The following HEXB variants were observed in gnomAD, a reference collection of about 807,000 sequenced individuals.
The protein encoded by HEXB is hexosaminidase subunit beta, also known as beta-hexosaminidase subunit beta.
In HEXB, 51 loss-of-function variants were observed where a neutral mutation model predicts 71.2. That is an observed-to-expected ratio of 0.72 (90% CI 0.57 to 0.90). The LOEUF is 0.90. Among genes scored for constraint, HEXB ranks in the 40% least tolerant of loss-of-function variants. HEXB has a pLI of 0.00. For missense variants in HEXB, 617 were observed against 677.0 expected (o/e 0.91, Z 0.98); for synonymous variants, 266 against 249.3 (o/e 1.07, Z -0.63).
rs1300409015 is a variant in HEXB at position 74,721,251 on chromosome 5, T to TA, written c.*77dup. The TA allele has an allele frequency of 1.5e-5, 17 of 1,170,812 alleles. No individual in the cohort carries two copies. The highest frequency in any genetic ancestry group is 1.9e-5 in the Non-Finnish European group (15 of 781,460). 72.5% of individuals were successfully genotyped at this position (1,170,812 alleles called of 1,614,324 possible). A position where few individuals can be genotyped will look rare whatever the true frequency, so the allele number is the denominator to read the frequency against. On this transcript the variant is annotated 3_prime_UTR_variant, in exon 14 of 14. Coordinates refer to ENST00000261416, the MANE Select transcript of HEXB (RefSeq NM_000521.4). ...TTTGAAATCATGTAAAATAAGATAT[T>TA]AGACTGTTTTTTGAATAAAATATTT... is the stretch of plus-strand genomic sequence containing the variant.
chr5:74,691,509 G>C (rs1022895977), intron 2 of HEXB, among the ~76,000 whole-genome samples: 1 of 152,168 alleles, frequency 6.6e-6, no homozygotes, highest in Non-Finnish European at 1.5e-5. Context: ...CAGTATTACT[G>C]AGAACACACA....
intron 1 of HEXB, among the ~76,000 whole-genome samples, chr5:74,653,127 T>C (rs1165501376): frequency 1.3e-5 from 2 of 152,170 alleles, no homozygotes; most frequent in African/African-American, 4.8e-5. Context: ...AGTCAGGTGG[T>C]TACACACACA....
intron 1 of HEXB, among the ~76,000 whole-genome samples, chr5:74,676,016 T>G (rs1748624678): frequency 6.6e-6 from 1 of 152,230 alleles, no homozygotes; most frequent in African/African-American, 2.4e-5. Flanking sequence ...AATAACTTTA[T>G]AAATTAACAG....
chr5:74,684,985 G>C (rs1436104641), upstream of HEXB, among the ~76,000 whole-genome samples: 1 of 152,108 alleles, frequency 6.6e-6, no homozygotes, highest in Non-Finnish European at 1.5e-5. Flanking sequence ...CCAGCACCGG[G>C]CATTTTTCTT....
intron 1 of HEXB, among the ~76,000 whole-genome samples, chr5:74,661,597 A>T (rs904321228): frequency 7.2e-6 from 1 of 139,466 alleles, no homozygotes; most frequent in African/African-American, 2.7e-5. Flanking sequence ...CATCTTGCCA[A>T]TGTTGCCTAG....
intron 1 of HEXB, among the ~76,000 whole-genome samples, chr5:74,656,668 G>C (rs1390885149): frequency 6.6e-6 from 1 of 152,186 alleles, no homozygotes; most frequent in Non-Finnish European, 1.5e-5. Flanking sequence ...GCAGTGGCAT[G>C]ATCTTGGCTC....
chr5:74,711,157 C>T (rs111924260), intron 6 of HEXB, among the ~76,000 whole-genome samples: 14 of 146,960 alleles, frequency 9.5e-5, no homozygotes, highest in African/African-American at 1.8e-4. Context: ...TGATGTTTGA[C>T]AAACCTGAGA....
At position 74,689,470 on chromosome 5, in the gene HEXB, T is replaced by G. The variant is rs1264174384; in HGVS notation, c.442T>G (p.Ser148Ala). The change falls in exon 2 of 14, where the codon TCT (serine) becomes GCT (alanine). Residue 148 changes from serine to alanine, a missense_variant. Transcript: ENST00000261416. ...TTTCCCCAACATATCTTCAGATGAG[T>G]CTTGTAAGTACCTATGCAATGTGAG... ...DAFPNISSDE[S>A]YTLLVKEPVA... is the part of the protein sequence containing the mutation. The G allele has an allele frequency of 1.2e-6, 2 of 1,613,154 alleles. No homozygotes were observed. The highest frequency in any genetic ancestry group is 1.7e-6 in the Non-Finnish European group (2 of 1,179,150).
At chr5:74,716,091 A>G (rs527818996) in intron 8 of HEXB, among the ~76,000 whole-genome samples, 21 of 152,050 alleles carry the variant, frequency 1.4e-4, no homozygotes, top group African/African-American at 5.1e-4. Flanking sequence ...GCTCCACACC[A>G]TAAGGAAGAC....
At chr5:74,708,411 T>G (rs1340529236) in intron 6 of HEXB, among the ~76,000 whole-genome samples, 2 of 147,334 alleles carry the variant, frequency 1.4e-5, no homozygotes, top group African/African-American at 5.0e-5. Context: ...GCTAACATCA[T>G]AATGACAGGA....
intron 5 of HEXB, among the ~76,000 whole-genome samples, chr5:74,701,505 A>C (rs1749260060): frequency 1.3e-5 from 2 of 152,160 alleles, no homozygotes; most frequent in African/African-American, 4.8e-5. Flanking sequence ...TAATTATTAA[A>C]TACTAAATTC....
rs375513322 is a variant in HEXB at position 74,651,811 on chromosome 5, A to T, written c.-377+11253A>T. Among the ~76,000 whole-genome samples, 9 of 152,330 alleles carry T rather than the reference A, an allele frequency of 5.9e-5. No homozygotes were observed. The East Asian group carries it at 1.2e-3, about 20-fold the overall frequency. Reference sequence around the variant, plus strand: ...AGTCACCCAAAGGCTGAGGTAATTCATTTCTGCTCCTGGGTGATTAATTGG... The same window carrying T: ...AGTCACCCAAAGGCTGAGGTAATTCTTTTCTGCTCCTGGGTGATTAATTGG... On this transcript the variant is annotated intron_variant, in intron 1 of 13. Transcript: ENST00000511181.
In HEXB at chr5:74,716,624, A is replaced by C; in HGVS notation, c.1120A>C (p.Lys374Gln). ...AAAAATTCAAGATTTCATGAGGCAA[A>C]AAGGCTTTGGCACAGATTTTAAGAA... ...NPKIQDFMRQ[K>Q]GFGTDFKKLE... Residue 374 changes from lysine (K) to glutamine (Q), a missense_variant, in exon 9 of 14, where the codon AAA (lysine) becomes CAA (glutamine). Physicochemically the swap from Lys to Gln is moderately conservative, Grantham distance 53. Coordinates refer to ENST00000261416, the MANE Select transcript of HEXB (RefSeq NM_000521.4). 1 of 1,610,476 alleles carries C rather than the reference A, an allele frequency of 6.2e-7. No individual in the cohort carries two copies. Among genetic ancestry groups the C allele is most frequent in the Non-Finnish European group, 8.5e-7 (1 of 1,178,402 alleles).
chr5:74,658,320 T>A (rs1748256322), intron 1 of HEXB, among the ~76,000 whole-genome samples: 1 of 152,224 alleles, frequency 6.6e-6, no homozygotes, highest in Non-Finnish European at 1.5e-5. Context: ...CCACCACAGA[T>A]GTCAATAATA....
chr5:74,644,764 CTTTT>C (rs3058406), intron 1 of HEXB, among the ~76,000 whole-genome samples: 152 of 72,924 alleles, frequency 2.1e-3, no homozygotes, highest in African/African-American at 8.2e-3. Flanking sequence ...CTTTTTTTTC[CTTTT>C]TTTTTTTTTT....
chr5:74,689,415 C>T lies in HEXB; in HGVS notation c.387C>T (p.Val129=). 1 of 1,613,300 alleles carries T rather than the reference C, an allele frequency of 6.2e-7. No homozygotes were observed. The highest frequency in any genetic ancestry group is 8.5e-7 in the Non-Finnish European group (1 of 1,179,226). The part of the protein sequence containing the change: ...QAKTQVQQLL[V]SITLQSECDA... ...AAACCCAGGTTCAGCAACTTCTTGT[C>T]TCAATCACCCTTCAGTCAGAGTGTG... Residue 129 remains valine (V), a synonymous_variant, in exon 2 of 14, where the codon GTC becomes GTT. Coordinates refer to ENST00000261416, the MANE Select transcript of HEXB (RefSeq NM_000521.4).
chr5:74,716,608 A>G lies in HEXB; in HGVS notation c.1104A>G (p.Gln368=). 7 of 1,608,396 alleles carry G rather than the reference A, an allele frequency of 4.4e-6. No homozygotes were observed. The highest frequency in any genetic ancestry group is 5.9e-6 in the Non-Finnish European group (7 of 1,176,716). ...TCAGGGAATCAAATCCAAAAATTCA[A>G]GATTTCATGAGGCAAAAAGGCTTTG... ...FKCWESNPKI[Q]DFMRQKGFGT... Residue 368 remains glutamine (Q), a synonymous_variant, in exon 9 of 14, where the codon CAA becomes CAG. Transcript: ENST00000261416.
upstream of HEXB, among the ~76,000 whole-genome samples, chr5:74,682,825 T>C (rs775184595): frequency 2.6e-5 from 4 of 152,212 alleles, no homozygotes; most frequent in Non-Finnish European, 4.4e-5. Flanking sequence ...AAAGATGTGA[T>C]ACCTTTCCTC....
chr5:74,679,382 C>A (rs961849763), intron 1 of HEXB, among the ~76,000 whole-genome samples: 4 of 152,172 alleles, frequency 2.6e-5, no homozygotes, highest in African/African-American at 9.7e-5. Context: ...ATTAGCAACA[C>A]AGTAGCCAGC....
Sources: gnomAD v4.1 joint callset for allele counts (sites outside exome capture counted in the v4.1 genomes callset) on GRCh38, gnomAD v4.1.1 for gene constraint, MANE v1.5 for transcripts, NCBI Gene and HGNC (gene_info 2026-07-23, HGNC 2026-07-21) for gene names.